CDK13: variants seen among roughly 807,000 people sequenced by gnomAD.
CDK13 encodes cyclin dependent kinase 13, also known as cyclin-dependent kinase 13.
CDK13 carries 40 observed loss-of-function variants against 137.6 expected under a neutral mutation model. The observed-to-expected ratio is 0.29, with a 90% confidence interval of 0.23 to 0.38. CDK13 has a LOEUF of 0.38. CDK13 is among the 10% of genes least tolerant of loss of function. The pLI, the probability that CDK13 is intolerant of heterozygous loss-of-function variation, is 1.00. For synonymous variants in CDK13, 869 were observed against 760.1 expected, an observed-to-expected ratio of 1.14 and a Z score of -2.36; for missense variants, 1,704 against 1,951.8, an observed-to-expected ratio of 0.87 and a Z score of 2.39.
Position 39,951,801 on chromosome 7 carries a change from A to ACAG in CDK13, c.1171_1173dup (p.Ser391dup), listed in dbSNP as rs756762783. The ACAG allele has an allele frequency of 2.1e-6, 3 of 1,449,454 alleles. No homozygotes were observed. The highest frequency in any genetic ancestry group is 1.5e-5 in the African/African-American group (1 of 67,464). 89.8% of individuals were successfully genotyped at this position (1,449,454 alleles called of 1,614,324 possible). A position where few individuals can be genotyped will look rare whatever the true frequency, so the allele number is the denominator to read the frequency against. On this transcript the variant is annotated inframe_insertion, in exon 1 of 14. Transcript: ENST00000181839. ...GGCGGCGACGTGTCCCCTAGTCCCT[A>ACAG]CAGCAGCAGCAGCTGGCGCCGCTCT...
At chr7:40,086,427 A>G (rs1367571643) in intron 11 of CDK13, among the ~76,000 whole-genome samples, 1 of 152,222 alleles carries the variant, frequency 6.6e-6, no homozygotes, top group African/African-American at 2.4e-5. Context: ...ATTCTGGGCA[A>G]GTTTATTCAC....
chr7:40,027,655 CTTTTTT>C (rs761581418), intron 5 of CDK13, among the ~76,000 whole-genome samples: 1 of 89,724 alleles, frequency 1.1e-5, no homozygotes, highest in Non-Finnish European at 2.1e-5. Context: ...CACCCTTGGG[CTTTTTT>C]TTTTTTTTTT....
chr7:40,088,909 G>A (rs1405454558), intron 12 of CDK13, among the ~76,000 whole-genome samples: 2 of 151,928 alleles, frequency 1.3e-5, no homozygotes, highest in Non-Finnish European at 2.9e-5. Flanking sequence ...GCGAAACCCC[G>A]TCTCTACTAA....
chr7:40,082,486 CAAA>C (rs70996879), intron 11 of CDK13, among the ~76,000 whole-genome samples: 91 of 74,856 alleles, frequency 1.2e-3, no homozygotes, highest in East Asian at 8.8e-3. Flanking sequence ...ACTCCATTTC[CAAA>C]AAAAAAAAAA....
At chr7:40,059,673 G>C (rs1786097838) in intron 7 of CDK13, among the ~76,000 whole-genome samples, 2 of 152,112 alleles carry the variant, frequency 1.3e-5, no homozygotes, top group African/African-American at 4.8e-5. Context: ...GGATTGTTCA[G>C]AGGCAAAGTA....
chr7:40,046,060 G>GT, intron 6 of CDK13, 35 bp downstream of exon 6: 1 of 1,268,802 alleles, frequency 7.9e-7, no homozygotes, highest in Non-Finnish European at 1.1e-6. Context: ...TTTAAAATGA[G>GT]TTTTACCATG....
chr7:39,961,621 A>G (rs1468169003), intron 1 of CDK13, among the ~76,000 whole-genome samples: 8 of 143,238 alleles, frequency 5.6e-5, no homozygotes, highest in African/African-American at 2.2e-4. Context: ...GTCACAAATG[A>G]CATAATTTAC....
At chr7:40,002,143 A>G in intron 5 of CDK13, 112 bp downstream of exon 5, 1 of 632,446 alleles carries the variant, frequency 1.6e-6, no homozygotes, top group Non-Finnish European at 2.7e-6. Context: ...TATTGCTCTA[A>G]TCGTGAAACT....
chr7:39,973,274 C>G (rs1265640600), intron 1 of CDK13, among the ~76,000 whole-genome samples: 1 of 152,058 alleles, frequency 6.6e-6, no homozygotes, highest in Non-Finnish European at 1.5e-5. Flanking sequence ...GCAGCTGGGA[C>G]CACAGGTACA....
In CDK13 at chr7:39,951,467, T is replaced by G; in HGVS notation, c.826T>G (p.Ser276Ala). ...CAGTAGCAGCCGCAAGGACCGGGAC[T>G]CGAAGGCCCACCGCAGCCGGACTAA... The part of the protein sequence containing the change: ...SSSSSRKDRD[S>A]KAHRSRTKSS... Residue 276 changes from serine (S) to alanine (A), a missense_variant, in exon 1 of 14, where the codon TCG becomes GCG. Physicochemically the swap from Ser to Ala is moderately conservative, Grantham distance 99. Around this residue, in one of 5 missense-constraint regions of CDK13, gnomAD observed 1,051 missense variants for 931.0 expected, o/e 1.13. Coordinates refer to ENST00000181839, the MANE Select transcript of CDK13 (RefSeq NM_003718.5). The G allele has an allele frequency of 6.5e-7, 1 of 1,538,292 alleles. No homozygotes were observed. The highest frequency in any genetic ancestry group is 2.6e-5 in the East Asian group (1 of 38,832).
intron 5 of CDK13, among the ~76,000 whole-genome samples, chr7:40,036,704 A>T (rs1037657661): frequency 1.5e-5 from 2 of 132,094 alleles, no homozygotes; most frequent in East Asian, 2.0e-4. Context: ...CTGTCAACTT[A>T]AAAAAAAAAA....
chr7:40,061,185 A>G (rs1786138608), intron 7 of CDK13: 1 of 152,232 alleles, frequency 6.6e-6, no homozygotes, highest in African/African-American at 2.4e-5. Flanking sequence ...CATTATGTGA[A>G]GATAAGTGAT....
At chr7:39,986,595 T>C (rs1475209059) in intron 1 of CDK13, 1 of 152,224 alleles carries the variant, frequency 6.6e-6, no homozygotes, top group East Asian at 1.9e-4. Context: ...CTAGTAAATG[T>C]TTAATATTAT....
At chr7:39,968,863 A>G (rs1783932626) in intron 1 of CDK13, among the ~76,000 whole-genome samples, 1 of 152,210 alleles carries the variant, frequency 6.6e-6, no homozygotes, top group South Asian at 2.1e-4. Flanking sequence ...AGACTGAACC[A>G]AACTACTCTT....
In CDK13 at chr7:40,098,448, C is replaced by G. The variant is rs934110015; in HGVS notation, c.*3468C>G. 4 of 149,904 alleles carry G rather than the reference C, an allele frequency of 2.7e-5. No homozygotes were observed. Among genetic ancestry groups the G allele is most frequent in the African/African-American group, 9.8e-5 (4 of 40,708 alleles). The allele number at this position is 149,904 out of a possible 1,614,324, so 9.3% of individuals were successfully genotyped here. ...AAAAAGGTGAATCCTTCTTGTAGGA[C>G]ATAGGTAAAAAAAACAAAGCTGAAA... On this transcript the variant is annotated 3_prime_UTR_variant, in exon 14 of 14. Coordinates refer to ENST00000181839, the MANE Select transcript of CDK13 (RefSeq NM_003718.5).
intron 11 of CDK13, among the ~76,000 whole-genome samples, chr7:40,085,372 A>G (rs1181219316): frequency 1.3e-5 from 2 of 151,964 alleles, no homozygotes; most frequent in African/African-American, 4.8e-5. Flanking sequence ...CCATCTCAAA[A>G]AAAAAAAAAG....
intron 5 of CDK13, among the ~76,000 whole-genome samples, chr7:40,022,226 G>C (rs1209928707): frequency 6.6e-6 from 1 of 152,140 alleles, no homozygotes; most frequent in Admixed American, 6.5e-5. Flanking sequence ...TCAGCACAGT[G>C]ACCAGATCTT....
At chr7:39,960,131 TGTTA>T (rs1486887930) in intron 1 of CDK13, among the ~76,000 whole-genome samples, 8 of 151,940 alleles carry the variant, frequency 5.3e-5, no homozygotes, top group Non-Finnish European at 1.2e-4. Flanking sequence ...TGGAATGCTT[TGTTA>T]GTTCTGCTTG....
At chr7:40,005,174 C>CAAAA (rs34773950) in intron 5 of CDK13, among the ~76,000 whole-genome samples, 3 of 138,616 alleles carry the variant, frequency 2.2e-5, no homozygotes, top group African/African-American at 5.4e-5. Context: ...ACTCTTGTCT[C>CAAAA]AAAAAAAAAA....
Sources: gnomAD v4.1 joint callset for allele counts (sites outside exome capture counted in the v4.1 genomes callset) on GRCh38, gnomAD v4.1.1 for gene constraint, gnomAD v4.1.1 regional missense constraint, MANE v1.5 for transcripts, NCBI Gene and HGNC (gene_info 2026-07-23, HGNC 2026-07-21) for gene names.